The following SAR1B variants were observed in gnomAD, a reference collection of about 807,000 sequenced individuals.
The protein encoded by SAR1B is small COPII coat GTPase SAR1B.
SAR1B carries 23 observed loss-of-function variants against 26.8 expected under a neutral mutation model. That is an observed-to-expected ratio of 0.86 (90% CI 0.62 to 1.22). SAR1B has a LOEUF of 1.22. Ranked by LOEUF, SAR1B falls within the 50% of genes most tolerant of loss-of-function variation. The pLI, the probability that SAR1B is intolerant of heterozygous loss-of-function variation, is 0.00. For missense variants in SAR1B, 196 were observed against 232.8 expected (o/e 0.84, Z 1.03); for synonymous variants, 65 against 80.8 (o/e 0.80, Z 1.05).
chr5:134,621,397 G>A (rs2150054311), intron 2 of SAR1B, among the ~76,000 whole-genome samples: 1 of 152,202 alleles, frequency 6.6e-6, no homozygotes, highest in South Asian at 2.1e-4. Flanking sequence ...TGGAACCCAG[G>A]AAGCAGAAGT....
intron 2 of SAR1B, among the ~76,000 whole-genome samples, chr5:134,621,962 G>C (rs892709356): frequency 5.3e-5 from 8 of 152,100 alleles, no homozygotes; most frequent in African/African-American, 1.7e-4. Context: ...GGCCTCAAGT[G>C]ATCTGCCCAC....
At chr5:134,612,939 G>A (rs1211410436) in intron 3 of SAR1B, 183 bp from the exon 4 acceptor site, 14 of 590,744 alleles carry the variant, frequency 2.4e-5, no homozygotes, top group Middle Eastern at 4.6e-4. Context: ...TCTGCCAGCC[G>A]TAATAAAGAA....
chr5:134,610,696 T>G (rs1765198412), intron 4 of SAR1B, among the ~76,000 whole-genome samples: 1 of 151,618 alleles, frequency 6.6e-6, no homozygotes, highest in Admixed American at 6.6e-5. Flanking sequence ...ATCATGCCAC[T>G]GCACTCCAGC....
Position 134,607,045 on chromosome 5 carries a change from G to T in SAR1B, c.502C>A (p.Leu168Met), listed in dbSNP as rs1175873618. The change falls in exon 7 of 7, where the codon CTG (leucine) becomes ATG (methionine). Residue 168 changes from leucine (L) to methionine (M), a missense_variant. Transcript: ENST00000402673. ...AAAACTTCTAAGGGTCGGGCATTCA[G>T]TTCTTTCAGAGATATACTCCCCTAG... ...TGKGSISLKE[L>M]NARPLEVFMC... 3 of 1,613,192 alleles carry T rather than the reference G, an allele frequency of 1.9e-6. No homozygotes were observed. Among genetic ancestry groups the T allele is most frequent in the Non-Finnish European group, 2.5e-6 (3 of 1,179,178 alleles).
intron 1 of SAR1B, among the ~76,000 whole-genome samples, chr5:134,630,413 G>A (rs1454011353): frequency 2.2e-5 from 3 of 137,744 alleles, no homozygotes; most frequent in Non-Finnish European, 3.0e-5. Context: ...TGGAGATCAC[G>A]CCATTGCACT....
chr5:134,610,256 C>T (rs1420393653), intron 4 of SAR1B, among the ~76,000 whole-genome samples: 1 of 151,954 alleles, frequency 6.6e-6, no homozygotes, highest in East Asian at 1.9e-4. Flanking sequence ...TGCTTGAGCT[C>T]AGGAGTTCAA....
rs2150058454 is a variant in SAR1B, at chr5:134,632,763, T to A, written c.-54A>T. ...AGGGAACGCAATCCCCTACTTGGCG[T>A]TGGCCGTACACCAGGAGACCGAACT... On this transcript the variant is annotated 5_prime_UTR_variant, in exon 1 of 7. Transcript: ENST00000402673. The A allele has an allele frequency of 6.6e-6, 1 of 152,514 alleles. No homozygotes were observed. Among genetic ancestry groups the A allele is most frequent in the Non-Finnish European group, 1.5e-5 (1 of 68,148 alleles). 9.4% of individuals were successfully genotyped at this position (152,514 alleles called of 1,614,324 possible). A position where few individuals can be genotyped will look rare whatever the true frequency, so the allele number is the denominator to read the frequency against.
chr5:134,614,857 G>A (rs1301652398), intron 3 of SAR1B: 1 of 152,184 alleles, frequency 6.6e-6, no homozygotes, highest in Non-Finnish European at 1.5e-5. Context: ...CTTTCTCTCA[G>A]GAATCACAGT....
At chr5:134,630,242 G>A (rs909075609) in intron 1 of SAR1B, among the ~76,000 whole-genome samples, 1 of 151,950 alleles carries the variant, frequency 6.6e-6, no homozygotes, top group Non-Finnish European at 1.5e-5. Context: ...GATCACCTGA[G>A]GTTGGGAGTT....
intron 3 of SAR1B, chr5:134,614,605 T>G (rs1021413784): frequency 2.0e-5 from 3 of 152,238 alleles, no homozygotes; most frequent in Admixed American, 2.0e-4. Flanking sequence ...CTTTACCCAT[T>G]GCATGCACAG....
intron 1 of SAR1B, chr5:134,625,757 T>C (rs181615641): frequency 2.0e-5 from 3 of 152,234 alleles, no homozygotes; most frequent in East Asian, 1.9e-4. Context: ...ACTGTCCACA[T>C]TGACAGGCAG....
chr5:134,604,311 G>C lies in SAR1B; in HGVS notation c.*2639C>G, dbSNP rs1181127631. The C allele has an allele frequency of 2.6e-5, 4 of 152,114 alleles. No individual in the cohort carries two copies. The highest frequency in any genetic ancestry group is 9.7e-5 in the African/African-American group (4 of 41,436). The allele number at this position is 152,114 out of a possible 1,614,324, so 9.4% of individuals were successfully genotyped here. A position where few individuals can be genotyped will look rare whatever the true frequency, so the allele number is the denominator to read the frequency against. ...CTACGCCCTAGCATCTTGCAGTGTG[G>C]GACACACAATTAGCCTATGTCCCCA... On this transcript the variant is annotated 3_prime_UTR_variant, in exon 7 of 7. Coordinates refer to ENST00000402673, the MANE Select transcript of SAR1B (RefSeq NM_016103.4).
chr5:134,619,059 G>A (rs1251796444), intron 3 of SAR1B, among the ~76,000 whole-genome samples: 1 of 151,774 alleles, frequency 6.6e-6, no homozygotes, highest in Non-Finnish European at 1.5e-5. Context: ...GCCAAGTGTG[G>A]TGGCTCATGC....
Position 134,627,136 on chromosome 5 carries a change from C to T in SAR1B, c.-18-3099G>A, listed in dbSNP as rs572924873. Among the ~76,000 whole-genome samples, 661 of 152,072 alleles carry T rather than the reference C, an allele frequency of 4.3e-3. 3 individuals carry two copies. The highest frequency in any genetic ancestry group is 0.015 in the African/African-American group (634 of 41,510). On this transcript the variant is annotated intron_variant, in intron 1 of 6. Transcript: ENST00000402673. Reference sequence around the variant, plus strand: ...GCGCGATCTCCTCTCACTGTAAGCTCCACCTCCCAGGTTCACGCCATTCTC... The same window carrying T: ...GCGCGATCTCCTCTCACTGTAAGCTTCACCTCCCAGGTTCACGCCATTCTC...
At chr5:134,616,129 C>CG (rs1285176000) in intron 3 of SAR1B, among the ~76,000 whole-genome samples, 2 of 111,676 alleles carry the variant, frequency 1.8e-5, no homozygotes, top group East Asian at 4.9e-4. Context: ...GACTCCATCT[C>CG]GGAAAAAAAA....
rs961078313 is a variant in SAR1B, at chr5:134,602,573, C to T, written c.*4377G>A. On this transcript the variant is annotated 3_prime_UTR_variant, in exon 7 of 7. Coordinates refer to ENST00000402673, the MANE Select transcript of SAR1B (RefSeq NM_016103.4). ...AAAGAAGGATAATAATGGAAATGAC[C>T]GGAAGCTTCAACATGTAGTTTTAGG... 4 of 152,050 alleles carry T rather than the reference C, an allele frequency of 2.6e-5. No individual in the cohort carries two copies. The highest frequency in any genetic ancestry group is 3.9e-4 in the East Asian group (2 of 5,194). 9.4% of individuals were successfully genotyped at this position (152,050 alleles called of 1,614,324 possible).
chr5:134,615,490 G>A (rs1418991758), intron 3 of SAR1B, among the ~76,000 whole-genome samples: 1 of 151,564 alleles, frequency 6.6e-6, no homozygotes, highest in Non-Finnish European at 1.5e-5. Context: ...ACTCCAGCCT[G>A]GGCAACAGAG....
rs1329858850 is a variant in SAR1B at position 134,601,401 on chromosome 5, G to A, written c.*5549C>T. 1 of 152,152 alleles carries A rather than the reference G, an allele frequency of 6.6e-6. No individual in the cohort carries two copies. Among genetic ancestry groups the A allele is most frequent in the Admixed American group, 6.6e-5 (1 of 15,264 alleles). 9.4% of individuals were successfully genotyped at this position (152,152 alleles called of 1,614,324 possible). A position where few individuals can be genotyped will look rare whatever the true frequency, so the allele number is the denominator to read the frequency against. ...CCAAGATCCTAGTGCAAGCAGTGGT[G>A]TACAAAAGTGCAAACAAGGTTAGTG... On this transcript the variant is annotated 3_prime_UTR_variant, in exon 7 of 7. Transcript: ENST00000402673.
rs1765096331 is a variant in SAR1B, at chr5:134,604,397, A to C, written c.*2553T>G. ...CACACATTCACACAGGCACATGCAG[A>C]GTTGTCTTTCCTCTGTGCTTCTACT... On this transcript the variant is annotated 3_prime_UTR_variant, in exon 7 of 7. Transcript: ENST00000402673. 1 of 152,224 alleles carries C rather than the reference A, an allele frequency of 6.6e-6. No individual in the cohort carries two copies. Among genetic ancestry groups the C allele is most frequent in the Non-Finnish European group, 1.5e-5 (1 of 68,066 alleles). 9.4% of individuals were successfully genotyped at this position (152,224 alleles called of 1,614,324 possible). A position where few individuals can be genotyped will look rare whatever the true frequency, so the allele number is the denominator to read the frequency against.
Sources: gnomAD v4.1 joint callset for allele counts (sites outside exome capture counted in the v4.1 genomes callset) on GRCh38, gnomAD v4.1.1 for gene constraint, MANE v1.5 for transcripts, NCBI Gene and HGNC (gene_info 2026-07-23, HGNC 2026-07-21) for gene names.